PTPRT: variants seen among roughly 807,000 people sequenced by gnomAD.
The protein encoded by PTPRT is receptor-type tyrosine-protein phosphatase T.
PTPRT carries 56 observed loss-of-function variants against 176.8 expected under a neutral mutation model. That is an observed-to-expected ratio of 0.32 (90% CI 0.26 to 0.40). The LOEUF (loss-of-function observed/expected upper bound fraction) is 0.40. Ranked by LOEUF, PTPRT falls within the 10% of genes least tolerant of loss-of-function variation. The pLI is 1.00. For missense variants in PTPRT, 1,540 were observed against 1,908.2 expected (o/e 0.81, Z 3.60); for synonymous variants, 783 against 739.0 (o/e 1.06, Z -0.96).
intron 1 of PTPRT, among the ~76,000 whole-genome samples, chr20:43,087,258 C>G (rs982369479): frequency 6.6e-6 from 1 of 151,848 alleles, no homozygotes; most frequent in Admixed American, 6.6e-5. Flanking sequence ...CTATCCATGT[C>G]ATTGCATTGA....
chr20:42,302,617 A>T (rs1241523174), intron 12 of PTPRT, among the ~76,000 whole-genome samples: 1 of 152,158 alleles, frequency 6.6e-6, no homozygotes, highest in Non-Finnish European at 1.5e-5. Context: ...CTGATAATTT[A>T]TTGCCCACAT....
At chr20:42,070,609 A>G (rs111561539), downstream of PTPRT, among the ~76,000 whole-genome samples, 16 of 152,226 alleles carry the variant, frequency 1.1e-4, no homozygotes, top group African/African-American at 3.9e-4. Flanking sequence ...TTCCATGGAA[A>G]TATGACAACT....
At chr20:42,237,813 T>C (rs1000205458) in intron 14 of PTPRT, among the ~76,000 whole-genome samples, 4 of 152,270 alleles carry the variant, frequency 2.6e-5, no homozygotes, top group African/African-American at 9.6e-5. Flanking sequence ...GATACATTTA[T>C]AGATTGAGAA....
At chr20:42,286,408 A>T (rs1266127858) in intron 12 of PTPRT, among the ~76,000 whole-genome samples, 2 of 151,922 alleles carry the variant, frequency 1.3e-5, no homozygotes, top group Non-Finnish European at 2.9e-5. Flanking sequence ...TAATATTTTT[A>T]AAAACGCCAA....
At chr20:42,818,178 TTGCTGCTCCCC>T (rs1312098260) in intron 2 of PTPRT, among the ~76,000 whole-genome samples, 1 of 152,076 alleles carries the variant, frequency 6.6e-6, no homozygotes, top group Non-Finnish European at 1.5e-5. Context: ...GCACCCATCT[TTGCTGCTCCCC>T]AGCCTCCTTG....
chr20:42,228,449 C>A (rs1375317384), intron 15 of PTPRT, among the ~76,000 whole-genome samples: 1 of 152,208 alleles, frequency 6.6e-6, no homozygotes, highest in Non-Finnish European at 1.5e-5. Context: ...TCTATCAGTA[C>A]ACATGGTCTA....
intron 2 of PTPRT, among the ~76,000 whole-genome samples, chr20:42,852,542 T>TA (rs1217071927): frequency 6.6e-6 from 1 of 152,172 alleles, no homozygotes; most frequent in African/African-American, 2.4e-5. Flanking sequence ...CCTTCATATA[T>TA]TTTTTTAGAA....
intron 9 of PTPRT, among the ~76,000 whole-genome samples, chr20:42,377,728 C>T (rs543568899): frequency 1.4e-3 from 214 of 152,308 alleles, no homozygotes; most frequent in Middle Eastern, 0.01. Flanking sequence ...GTGGAGGAGA[C>T]ATTTCCTAGC....
intron 1 of PTPRT, among the ~76,000 whole-genome samples, chr20:43,029,744 G>C (rs2146194456): frequency 6.6e-6 from 1 of 152,350 alleles, no homozygotes; most frequent in South Asian, 2.1e-4. Flanking sequence ...CTTCCTAATG[G>C]AAGAACATAT....
At chr20:43,043,091 C>T (rs1469081908) in intron 1 of PTPRT, among the ~76,000 whole-genome samples, 4 of 152,128 alleles carry the variant, frequency 2.6e-5, no homozygotes, top group African/African-American at 9.7e-5. Flanking sequence ...CCTCTGGCTT[C>T]CAGGACTCTG....
chr20:43,188,183 C>A (rs1045634970), intron 1 of PTPRT, among the ~76,000 whole-genome samples: 3 of 152,162 alleles, frequency 2.0e-5, no homozygotes, highest in Non-Finnish European at 4.4e-5. Context: ...CCCCTCCCTC[C>A]CCTAGCACAC....
chr20:42,080,733 C>A lies in PTPRT; in HGVS notation c.*146G>T. 1 of 723,208 alleles carries A rather than the reference C, an allele frequency of 1.4e-6. No individual in the cohort carries two copies. The highest frequency in any genetic ancestry group is 2.3e-5 in the Admixed American group (1 of 44,118). The allele number at this position is 723,208 out of a possible 1,614,324, so 44.8% of individuals were successfully genotyped here. A position where few individuals can be genotyped will look rare whatever the true frequency, so the allele number is the denominator to read the frequency against. On this transcript the variant is annotated 3_prime_UTR_variant, in exon 31 of 31. Coordinates refer to ENST00000373187, the MANE Select transcript of PTPRT (RefSeq NM_007050.6). ...GACCCCTCAGAAGGTGCAGAGCCCC[C>A]CGTGGAACACAGGGCCACCAGTCTT...
intron 7 of PTPRT, among the ~76,000 whole-genome samples, chr20:42,665,384 C>T (rs926236226): frequency 6.6e-6 from 1 of 152,080 alleles, no homozygotes; most frequent in Non-Finnish European, 1.5e-5. Flanking sequence ...AAATCAAAAC[C>T]ACAATGAGAT....
chr20:42,097,058 C>CA (rs1985332070), intron 27 of PTPRT, among the ~76,000 whole-genome samples: 1 of 152,188 alleles, frequency 6.6e-6, no homozygotes, highest in African/African-American at 2.4e-5. Context: ...GGTGGAAGCC[C>CA]AACCCCTGCC....
At chr20:43,127,385 T>C (rs542999933) in intron 1 of PTPRT, among the ~76,000 whole-genome samples, 1 of 148,336 alleles carries the variant, frequency 6.7e-6, no homozygotes, top group Non-Finnish European at 1.5e-5. Flanking sequence ...ATCTTGCCAC[T>C]GCACTCCTGC....
chr20:42,449,151 TAGA>T (rs2070783224), intron 8 of PTPRT, among the ~76,000 whole-genome samples: 1 of 152,194 alleles, frequency 6.6e-6, no homozygotes, highest in African/African-American at 2.4e-5. Flanking sequence ...CCAATCCAAT[TAGA>T]AGAAGCTCGC....
chr20:42,301,662 G>A (rs933759280), intron 12 of PTPRT, among the ~76,000 whole-genome samples: 1 of 152,134 alleles, frequency 6.6e-6, no homozygotes, highest in South Asian at 2.1e-4. Context: ...AGGGGAAGAA[G>A]AGAAAGAACA....
chr20:43,071,011 G>T (rs1330834566), intron 1 of PTPRT, among the ~76,000 whole-genome samples: 6 of 151,498 alleles, frequency 4.0e-5, no homozygotes, highest in Non-Finnish European at 8.8e-5. Context: ...CCAAACCAGG[G>T]CCACTTACCT....
the PTPRT span, among the ~76,000 whole-genome samples, chr20:42,059,071 T>C: frequency 6.6e-6 from 1 of 152,214 alleles, no homozygotes; most frequent in Admixed American, 6.5e-5. Flanking sequence ...CCAGTGCTTT[T>C]GCTGCAGAGT....
Sources: allele counts gnomAD v4.1 joint callset (sites outside exome capture counted in the v4.1 genomes callset), GRCh38; gene constraint gnomAD v4.1.1; transcripts MANE v1.5; gene names NCBI Gene and HGNC (gene_info 2026-07-23, HGNC 2026-07-21).